The following MYO5B variants were observed in gnomAD, a reference collection of about 807,000 sequenced individuals.
MYO5B encodes unconventional myosin-Vb.
In MYO5B, 143 loss-of-function variants were observed where a neutral mutation model predicts 229.3. The observed-to-expected ratio is 0.62, with a 90% CI of 0.54 to 0.72. The LOEUF (loss-of-function observed/expected upper bound fraction) is 0.72. Ranked by LOEUF, MYO5B falls within the 30% of genes least tolerant of loss-of-function variation. The probability of loss-of-function intolerance (pLI) is 0.00; values close to 1 mark genes in which losing one functional copy is unlikely to be tolerated. For synonymous variants in MYO5B, 918 were observed against 885.2 expected (o/e 1.04, Z -0.66); for missense variants, 2,321 against 2,331.0 (o/e 1.00, Z 0.09).
At chr18:49,960,758 T>A (rs2025549853) in intron 12 of MYO5B, among the ~76,000 whole-genome samples, 1 of 152,192 alleles carries the variant, frequency 6.6e-6, no homozygotes, top group South Asian at 2.1e-4. Context: ...TACCACCCAA[T>A]GTCTTGACAT....
chr18:50,045,869 G>A (rs1026472779), intron 2 of MYO5B, among the ~76,000 whole-genome samples: 1 of 152,162 alleles, frequency 6.6e-6, no homozygotes, highest in African/African-American at 2.4e-5. Flanking sequence ...ATACTACTTA[G>A]TAGGTGCTCA....
At chr18:50,014,420 T>C (rs1160243875) in intron 4 of MYO5B, among the ~76,000 whole-genome samples, 1 of 152,154 alleles carries the variant, frequency 6.6e-6, no homozygotes, top group Admixed American at 6.5e-5. Flanking sequence ...TTCATTTCTG[T>C]AAAACTTGGT....
intron 5 of MYO5B, among the ~76,000 whole-genome samples, chr18:49,992,647 C>T (rs777608634): frequency 3.0e-4 from 45 of 152,232 alleles, no homozygotes; most frequent in African/African-American, 7.5e-4. Flanking sequence ...ATGAGAGTAA[C>T]GAGTTCATTG....
intron 21 of MYO5B, 41 bp from the exon 22 acceptor site, chr18:49,895,215 TG>T: frequency 6.5e-7 from 1 of 1,533,848 alleles, no homozygotes. Context: ...GGAGAAGAAG[TG>T]GGGGAAGAAA....
chr18:49,844,372 C>G (rs1260401733), intron 33 of MYO5B, among the ~76,000 whole-genome samples: 1 of 152,226 alleles, frequency 6.6e-6, no homozygotes, highest in African/African-American at 2.4e-5. Context: ...TGCACTGTAT[C>G]TCCAGCCCTT....
chr18:50,112,411 G>A (rs1435016728), intron 1 of MYO5B, among the ~76,000 whole-genome samples: 2 of 152,024 alleles, frequency 1.3e-5, no homozygotes, highest in African/African-American at 4.8e-5. Flanking sequence ...ACACCAAGAC[G>A]TCCCCATCAA....
At chr18:50,147,410 G>A (rs887823100) in intron 1 of MYO5B, among the ~76,000 whole-genome samples, 2 of 152,154 alleles carry the variant, frequency 1.3e-5, no homozygotes, top group Non-Finnish European at 2.9e-5. Context: ...CTCCTGATTA[G>A]CACCCCTTCT....
At chr18:49,928,590 G>A (rs1229120380) in intron 17 of MYO5B, among the ~76,000 whole-genome samples, 2 of 152,214 alleles carry the variant, frequency 1.3e-5, no homozygotes, top group African/African-American at 4.8e-5. Flanking sequence ...GTTGCAGTGA[G>A]CCCAGATCAT....
chr18:49,946,686 A>C (rs1328461139), intron 14 of MYO5B, among the ~76,000 whole-genome samples: 8 of 149,436 alleles, frequency 5.4e-5, no homozygotes, highest in Admixed American at 5.3e-4. Context: ...CAACATAATC[A>C]AGGTTTAGTC....
intron 18 of MYO5B, 87 bp downstream of exon 18, chr18:49,911,974 CA>C (rs1029520063): frequency 0.014 from 11,963 of 825,372 alleles, 21 homozygotes; most frequent in Non-Finnish European, 0.017. Context: ...GGATGAAGAC[CA>C]AAAAAAAAAT....
At chr18:50,189,029 G>C (rs1257195478) in intron 1 of MYO5B, among the ~76,000 whole-genome samples, 1 of 152,110 alleles carries the variant, frequency 6.6e-6, no homozygotes, top group Non-Finnish European at 1.5e-5. Flanking sequence ...AGGGATGAGA[G>C]AAGAAAAAAA....
intron 2 of MYO5B, among the ~76,000 whole-genome samples, chr18:50,045,897 G>A (rs2030211380): frequency 6.6e-6 from 1 of 152,176 alleles, no homozygotes; most frequent in Admixed American, 6.5e-5. Flanking sequence ...TTAGTTGAGT[G>A]AAATGTCTGA....
intron 1 of MYO5B, among the ~76,000 whole-genome samples, chr18:50,067,714 C>T (rs1226889656): frequency 6.6e-6 from 1 of 152,166 alleles, no homozygotes; most frequent in Non-Finnish European, 1.5e-5. Context: ...TGCTGGCTCC[C>T]CTTTGTCTCC....
chr18:50,081,358 T>C (rs1355320430), intron 1 of MYO5B, among the ~76,000 whole-genome samples: 1 of 152,204 alleles, frequency 6.6e-6, no homozygotes. Flanking sequence ...AGACCTACTA[T>C]TTTTAAATAA....
chr18:50,082,555 A>G lies in MYO5B; in HGVS notation c.28-27177T>C, dbSNP rs559069596. Among the ~76,000 whole-genome samples, 27 of 152,350 alleles carry G rather than the reference A, an allele frequency of 1.8e-4. No individual in the cohort carries two copies. In the South Asian group the frequency reaches 5.6e-3, roughly 32 times the overall value. ...GGCTATCTGCGGATTGATAAAATATACCAATGTCATCAACATACTGTGAGA... is the reference window on the plus strand; with the variant it reads ...GGCTATCTGCGGATTGATAAAATATGCCAATGTCATCAACATACTGTGAGA... On this transcript the variant is annotated intron_variant, in intron 1 of 39. Transcript: ENST00000285039.
At chr18:50,108,239 C>T (rs974188866) in intron 1 of MYO5B, among the ~76,000 whole-genome samples, 2 of 152,186 alleles carry the variant, frequency 1.3e-5, no homozygotes, top group African/African-American at 2.4e-5. Flanking sequence ...AACTCCTTTG[C>T]TTCTCTTATA....
intron 22 of MYO5B, among the ~76,000 whole-genome samples, chr18:49,881,477 A>C (rs1397523802): frequency 6.6e-6 from 1 of 152,234 alleles, no homozygotes; most frequent in African/African-American, 2.4e-5. Flanking sequence ...TTAAACAAAA[A>C]TTGTAGTCTA....
intron 32 of MYO5B, among the ~76,000 whole-genome samples, chr18:49,848,294 T>TG (rs1279891685): frequency 6.8e-6 from 1 of 147,616 alleles, no homozygotes; most frequent in Non-Finnish European, 1.5e-5. Context: ...GGATGAAGGG[T>TG]GGGTGCTGAT....
In MYO5B at chr18:49,990,524, GA is replaced by G; in HGVS notation, c.757-5del. Reference sequence around the variant, plus strand: ...GGTAATTCCTCTCATCATCTGCCTGGAGGAGGAAGAAGTGAAGCAGTTTTAG... The same window carrying G: ...GGTAATTCCTCTCATCATCTGCCTGGGGAGGAAGAAGTGAAGCAGTTTTAG... On this transcript the variant is annotated splice_region_variant and splice_polypyrimidine_tract_variant and intron_variant, in intron 6 of 39. Transcript: ENST00000285039. 6.2e-7 allele frequency: 1 copy of G among 1,612,926 alleles called. No homozygotes were observed. Among genetic ancestry groups the G allele is most frequent in the Non-Finnish European group, 8.5e-7 (1 of 1,179,076 alleles).
Sources: gnomAD v4.1 joint callset for allele counts (sites outside exome capture counted in the v4.1 genomes callset) on GRCh38, gnomAD v4.1.1 for gene constraint, MANE v1.5 for transcripts, NCBI Gene and HGNC (gene_info 2026-07-23, HGNC 2026-07-21) for gene names.